The following ANO3 variants were observed in gnomAD, a reference collection of about 807,000 sequenced individuals.
ANO3 encodes anoctamin 3.
A neutral mutation model predicts 144.8 loss-of-function variants in ANO3; 99 were observed. The observed-to-expected ratio is 0.68, with a 90% CI of 0.58 to 0.81. ANO3 has a LOEUF of 0.81. ANO3 is among the 30% of genes least tolerant of loss of function. The pLI is 0.00. For missense variants in ANO3, 905 were observed against 1,202.2 expected (o/e 0.75, Z 3.66); for synonymous variants, 414 against 392.6 (o/e 1.05, Z -0.64).
chr11:26,380,846 G>C (rs1590311252), intron 1 of ANO3, among the ~76,000 whole-genome samples: 2 of 152,198 alleles, frequency 1.3e-5, no homozygotes, highest in Admixed American at 1.3e-4. Flanking sequence ...GCCGGTTGTG[G>C]TGGTGTGTGC....
intron 24 of ANO3, among the ~76,000 whole-genome samples, chr11:26,652,058 C>T (rs1233890343): frequency 6.6e-6 from 1 of 152,098 alleles, no homozygotes; most frequent in African/African-American, 2.4e-5. Flanking sequence ...GGTCCTTTCC[C>T]CCATTCACTT....
chr11:26,220,220 G>A (rs1337886998), intron 1 of ANO3, among the ~76,000 whole-genome samples: 1 of 152,148 alleles, frequency 6.6e-6, no homozygotes, highest in Non-Finnish European at 1.5e-5. Context: ...AATCAATGTG[G>A]CACCTTAAAA....
At chr11:26,360,596 A>G (rs1305329710) in intron 1 of ANO3, among the ~76,000 whole-genome samples, 1 of 152,048 alleles carries the variant, frequency 6.6e-6, no homozygotes, top group Non-Finnish European at 1.5e-5. Flanking sequence ...CTGTAGACAG[A>G]ATGCCTGTCT....
chr11:26,561,765 A>G (rs1003087759), intron 14 of ANO3, among the ~76,000 whole-genome samples: 2 of 151,856 alleles, frequency 1.3e-5, no homozygotes, highest in African/African-American at 4.8e-5. Flanking sequence ...AGGTTTTCTG[A>G]TTGTTGATGT....
chr11:26,632,743 G>C (rs1590657000), intron 18 of ANO3, among the ~76,000 whole-genome samples: 1 of 151,774 alleles, frequency 6.6e-6, no homozygotes, highest in Non-Finnish European at 1.5e-5. Context: ...ACAACTTTTT[G>C]CCTCAAAGCA....
chr11:26,611,976 A>G (rs68030591), intron 17 of ANO3, among the ~76,000 whole-genome samples: 17,798 of 151,864 alleles, frequency 0.12, 1,239 homozygotes, highest in African/African-American at 0.19. Flanking sequence ...CCATGCCTTC[A>G]CTTTCAGCCT....
intron 3 of ANO3, among the ~76,000 whole-genome samples, chr11:26,458,458 A>T (rs1845354): frequency 0.94 from 142,750 of 152,224 alleles, 67,121 homozygotes; most frequent in East Asian, 1. Flanking sequence ...AGGTAACACA[A>T]TTTACATTTC....
intron 14 of ANO3, among the ~76,000 whole-genome samples, chr11:26,580,093 A>T (rs969425154): frequency 8.1e-5 from 10 of 123,730 alleles, no homozygotes; most frequent in Non-Finnish European, 1.4e-4. Flanking sequence ...AAATTTATAA[A>T]TTTTTTAAAA....
chr11:26,444,353 G>C (rs187819492), intron 3 of ANO3, among the ~76,000 whole-genome samples: 24 of 152,156 alleles, frequency 1.6e-4, no homozygotes, highest in African/African-American at 5.8e-4. Context: ...TTTTGAATTG[G>C]GTTTTCATTT....
chr11:26,535,304 C>T (rs1849477425), intron 9 of ANO3, among the ~76,000 whole-genome samples: 1 of 152,032 alleles, frequency 6.6e-6, no homozygotes, highest in South Asian at 2.1e-4. Context: ...ATGTATAATA[C>T]AAAATAAACT....
At chr11:26,582,150 A>G (rs1851151850) in intron 14 of ANO3, among the ~76,000 whole-genome samples, 1 of 152,180 alleles carries the variant, frequency 6.6e-6, no homozygotes, top group African/African-American at 2.4e-5. Flanking sequence ...ACTCTAATCC[A>G]TGGTCTTTGT....
intron 1 of ANO3, among the ~76,000 whole-genome samples, chr11:26,438,610 A>AAAAAAAAAAAAAAAAAAAAAAAAG (rs1565024969): frequency 4.2e-4 from 31 of 73,830 alleles, no homozygotes; most frequent in Non-Finnish European, 6.3e-4. Context: ...AAAAAAAAAG[A>AAAAAAAAAAAAAAAAAAAAAAAAG]AAAAAAAAAA....
intron 4 of ANO3, among the ~76,000 whole-genome samples, chr11:26,504,966 C>G (rs1171294490): frequency 8.2e-6 from 1 of 121,588 alleles, no homozygotes; most frequent in Non-Finnish European, 1.6e-5. Flanking sequence ...GAGTGGAGAT[C>G]ACGCCACTGC....
At chr11:26,454,554 A>G (rs1859075895) in intron 3 of ANO3, among the ~76,000 whole-genome samples, 2 of 152,136 alleles carry the variant, frequency 1.3e-5, no homozygotes, top group African/African-American at 4.8e-5. Flanking sequence ...GAATAGACCA[A>G]TAACAGGAGC....
intron 5 of ANO3, among the ~76,000 whole-genome samples, chr11:26,510,133 A>AC (rs1861604201): frequency 5.6e-5 from 1 of 17,800 alleles, no homozygotes; most frequent in Non-Finnish European, 1.1e-4. Context: ...ACTCCATCTC[A>AC]AAAAAAAAAA....
chr11:26,368,886 A>G (rs1017341702), intron 1 of ANO3, among the ~76,000 whole-genome samples: 1 of 152,072 alleles, frequency 6.6e-6, no homozygotes, highest in Admixed American at 6.6e-5. Context: ...TTAAAATATA[A>G]TGTTTATAAT....
At chr11:26,601,571 C>A (rs556149901) in intron 17 of ANO3, among the ~76,000 whole-genome samples, 1 of 152,206 alleles carries the variant, frequency 6.6e-6, no homozygotes, top group South Asian at 2.1e-4. Context: ...AGTAGGAAAC[C>A]TATATGGTAG....
intron 1 of ANO3, among the ~76,000 whole-genome samples, chr11:26,380,395 CA>C (rs1160560645): frequency 1.3e-5 from 2 of 152,174 alleles, no homozygotes; most frequent in Non-Finnish European, 2.9e-5. Context: ...GCTGCTATAA[CA>C]AAATACCTTT....
intron 1 of ANO3, among the ~76,000 whole-genome samples, chr11:26,378,439 T>TGTC (rs148725739): frequency 6.2e-5 from 9 of 144,822 alleles, no homozygotes; most frequent in Non-Finnish European, 1.2e-4. Flanking sequence ...ATCTATCATC[T>TGTC]ATCTATCTAT....
Sources: allele counts gnomAD v4.1 joint callset (sites outside exome capture counted in the v4.1 genomes callset), GRCh38; gene constraint gnomAD v4.1.1; transcripts MANE v1.5; gene names NCBI Gene and HGNC (gene_info 2026-07-23, HGNC 2026-07-21).